KCNQ5: variants seen among roughly 807,000 people sequenced by gnomAD.
KCNQ5 encodes the protein potassium voltage-gated channel subfamily KQT member 5.
In KCNQ5, 30 loss-of-function variants were observed where a neutral mutation model predicts 98.2. The observed-to-expected ratio is 0.31, with a 90% CI of 0.23 to 0.41. The LOEUF is 0.41. Ranked by LOEUF, KCNQ5 falls within the 10% of genes least tolerant of loss-of-function variation. KCNQ5 has a pLI of 1.00. For synonymous variants in KCNQ5, 458 were observed against 449.4 expected (o/e 1.02, Z -0.24); for missense variants, 835 against 1,182.5 (o/e 0.71, Z 4.31).
chr6:72,747,707 A>G (rs1366176369), intron 1 of KCNQ5, among the ~76,000 whole-genome samples: 3 of 152,210 alleles, frequency 2.0e-5, no homozygotes, highest in African/African-American at 7.2e-5. Context: ...AGTTAGTTAC[A>G]TAGCATATGA....
At chr6:72,717,107 T>A (rs74922929) in intron 1 of KCNQ5, among the ~76,000 whole-genome samples, 1 of 152,228 alleles carries the variant, frequency 6.6e-6, no homozygotes, top group Non-Finnish European at 1.5e-5. Flanking sequence ...GGAATCTCAC[T>A]GGCATAATCT....
At chr6:72,937,600 G>T (rs1034587018) in intron 1 of KCNQ5, among the ~76,000 whole-genome samples, 4 of 152,040 alleles carry the variant, frequency 2.6e-5, no homozygotes, top group Admixed American at 2.0e-4. Context: ...AAAGCAGGTG[G>T]ATTGTGCATC....
intron 3 of KCNQ5, among the ~76,000 whole-genome samples, chr6:73,045,387 C>T (rs1424140284): frequency 6.6e-6 from 1 of 152,134 alleles, no homozygotes; most frequent in Non-Finnish European, 1.5e-5. Context: ...AAAATCTTAT[C>T]TAGAACATAA....
intron 1 of KCNQ5, among the ~76,000 whole-genome samples, chr6:72,856,339 G>GT (rs558321698): frequency 6.0e-5 from 9 of 150,114 alleles, no homozygotes; most frequent in African/African-American, 1.2e-4. Flanking sequence ...TTAGATAAGA[G>GT]TTTTTTTTTC....
chr6:72,916,555 G>A (rs1714262166), intron 1 of KCNQ5, among the ~76,000 whole-genome samples: 1 of 152,154 alleles, frequency 6.6e-6, no homozygotes, highest in South Asian at 2.1e-4. Flanking sequence ...TATCGGAGAA[G>A]AAAAGCATGT....
intron 1 of KCNQ5, among the ~76,000 whole-genome samples, chr6:72,766,549 G>A (rs556488375): frequency 1.8e-4 from 28 of 152,090 alleles, no homozygotes; most frequent in Middle Eastern, 6.8e-3. Flanking sequence ...TGGTGGATTG[G>A]CCTAGGTTGG....
intron 1 of KCNQ5, among the ~76,000 whole-genome samples, chr6:72,715,142 A>G (rs959868566): frequency 6.6e-6 from 1 of 152,208 alleles, no homozygotes; most frequent in Non-Finnish European, 1.5e-5. Context: ...ACTATTTATT[A>G]GTGAATATTT....
Position 73,064,990 on chromosome 6 carries a change from C to A in KCNQ5, c.617-12332C>A, listed in dbSNP as rs112497331. 9.1e-3 allele frequency among the ~76,000 whole-genome samples: 1,359 copies of A among 149,530 alleles called. 17 individuals carry two copies. Among genetic ancestry groups the A allele is most frequent in the African/African-American group, 0.032 (1,295 of 40,756 alleles). On this transcript the variant is annotated intron_variant, in intron 3 of 13. Transcript: ENST00000370398. ...CTGAAATTAAATGTTTGTGATCACA[C>A]TTTGAAGCAATTTGTTTCAGTAGGT... is the stretch of plus-strand genomic sequence containing the variant.
intron 1 of KCNQ5, among the ~76,000 whole-genome samples, chr6:72,970,226 T>C (rs1345442397): frequency 6.6e-6 from 1 of 152,102 alleles, no homozygotes; most frequent in Admixed American, 6.6e-5. Flanking sequence ...ACCACTGCAC[T>C]CTAGCTTGGA....
At chr6:72,861,093 T>A (rs1756402618) in intron 1 of KCNQ5, among the ~76,000 whole-genome samples, 2 of 140,670 alleles carry the variant, frequency 1.4e-5, no homozygotes, top group South Asian at 4.7e-4. Flanking sequence ...TCTAAAATAT[T>A]CCCAGACTGA....
chr6:72,647,953 C>T (rs1327340126), intron 1 of KCNQ5, among the ~76,000 whole-genome samples: 1 of 151,952 alleles, frequency 6.6e-6, no homozygotes, highest in East Asian at 1.9e-4. Context: ...ATATTGAAGA[C>T]CTATTAAGTA....
At chr6:73,093,433 C>G (rs928781106) in intron 5 of KCNQ5, among the ~76,000 whole-genome samples, 1 of 151,782 alleles carries the variant, frequency 6.6e-6, no homozygotes, top group African/African-American at 2.4e-5. Context: ...TGGTTATTTC[C>G]TTTCTTCTGC....
intron 7 of KCNQ5, among the ~76,000 whole-genome samples, chr6:73,113,737 C>T (rs1230905182): frequency 3.3e-5 from 5 of 152,234 alleles, no homozygotes; most frequent in African/African-American, 4.8e-5. Context: ...TATATGTCTA[C>T]AGTCAAAATG....
At chr6:72,829,071 C>T (rs970942206) in intron 1 of KCNQ5, among the ~76,000 whole-genome samples, 3 of 151,950 alleles carry the variant, frequency 2.0e-5, no homozygotes, top group African/African-American at 7.2e-5. Context: ...TCATGATAAA[C>T]CAGTTTGACT....
chr6:72,689,098 T>C (rs1453097403), intron 1 of KCNQ5, among the ~76,000 whole-genome samples: 1 of 152,224 alleles, frequency 6.6e-6, no homozygotes. Context: ...GATGGCCTAT[T>C]TGCAGTTAAT....
chr6:72,820,464 TTTTC>T (rs556031971), intron 1 of KCNQ5, among the ~76,000 whole-genome samples: 11 of 152,082 alleles, frequency 7.2e-5, no homozygotes, highest in South Asian at 6.2e-4. Context: ...GGGTCCTTCT[TTTTC>T]TTTCTTTCTT....
At chr6:73,053,775 A>G (rs772476399) in intron 3 of KCNQ5, among the ~76,000 whole-genome samples, 1 of 152,196 alleles carries the variant, frequency 6.6e-6, no homozygotes, top group Non-Finnish European at 1.5e-5. Context: ...ACAACCGAAC[A>G]TCACACCTAG....
chr6:72,700,835 G>T (rs1261053764), intron 1 of KCNQ5, among the ~76,000 whole-genome samples: 1 of 152,132 alleles, frequency 6.6e-6, no homozygotes, highest in Non-Finnish European at 1.5e-5. Flanking sequence ...GCCCAGAATG[G>T]CTGAGCAAAC....
chr6:73,188,780 C>T (rs560293059), intron 11 of KCNQ5, among the ~76,000 whole-genome samples: 1 of 152,030 alleles, frequency 6.6e-6, no homozygotes, highest in Non-Finnish European at 1.5e-5. Flanking sequence ...GTCAGAAGTT[C>T]GAGACCAGCC....
Sources: allele counts gnomAD v4.1 joint callset (sites outside exome capture counted in the v4.1 genomes callset), GRCh38; gene constraint gnomAD v4.1.1; transcripts MANE v1.5; gene names NCBI Gene and HGNC (gene_info 2026-07-23, HGNC 2026-07-21).